The following PDE1C variants were observed in gnomAD, a reference collection of about 807,000 sequenced individuals.
PDE1C encodes the protein phosphodiesterase 1C, also known as dual specificity calcium/calmodulin-dependent 3',5'-cyclic nucleotide phosphodiesterase 1C.
Under a neutral mutation model 93.1 loss-of-function variants are expected in PDE1C, and 62 were observed. The observed-to-expected ratio is 0.67, with a 90% confidence interval of 0.54 to 0.82. PDE1C has a LOEUF of 0.82. Ranked by LOEUF, PDE1C falls within the 40% of genes least tolerant of loss-of-function variation. The pLI is 0.00. For missense variants in PDE1C, 742 were observed against 884.6 expected, an observed-to-expected ratio of 0.84 and a Z score of 2.04; for synonymous variants, 325 against 310.1, an observed-to-expected ratio of 1.05 and a Z score of -0.50.
chr7:32,167,982 G>A (rs574644629), intron 3 of PDE1C, among the ~76,000 whole-genome samples: 2 of 152,162 alleles, frequency 1.3e-5, no homozygotes, highest in South Asian at 4.2e-4. Flanking sequence ...CACAGTTAAG[G>A]ACAATTGCAG....
intron 1 of PDE1C, among the ~76,000 whole-genome samples, chr7:32,067,074 G>A (rs1425819048): frequency 6.6e-6 from 1 of 152,170 alleles, no homozygotes; most frequent in Non-Finnish European, 1.5e-5. Flanking sequence ...CAAGGGGCAT[G>A]GGCGCCATCA....
the PDE1C span, among the ~76,000 whole-genome samples, chr7:31,734,792 C>A: frequency 6.6e-6 from 1 of 152,128 alleles, no homozygotes; most frequent in South Asian, 2.1e-4. Flanking sequence ...AAAAAAATTT[C>A]TTCTTTATAT....
intron 16 of PDE1C, chr7:31,785,149 C>G (rs1415463286): frequency 6.6e-6 from 1 of 150,658 alleles, no homozygotes. Context: ...GAAGCCAGCA[C>G]TCATGAAGAA....
chr7:31,693,900 T>C, the PDE1C span, among the ~76,000 whole-genome samples: 2 of 152,214 alleles, frequency 1.3e-5, no homozygotes, highest in African/African-American at 2.4e-5. Context: ...TCCATACTTA[T>C]TCATATCTGT....
intron 2 of PDE1C, among the ~76,000 whole-genome samples, chr7:31,936,291 A>G (rs1805058394): frequency 6.6e-6 from 1 of 152,122 alleles, no homozygotes; most frequent in Admixed American, 6.6e-5. Context: ...TGCTTCTACC[A>G]CACCCAAACT....
chr7:31,827,434 T>C (rs1056862621), intron 12 of PDE1C, among the ~76,000 whole-genome samples: 1 of 152,210 alleles, frequency 6.6e-6, no homozygotes, highest in African/African-American at 2.4e-5. Flanking sequence ...CTTGGCATTA[T>C]AACATTCTAA....
intron 1 of PDE1C, among the ~76,000 whole-genome samples, chr7:32,226,440 C>G (rs1174606020): frequency 6.6e-6 from 1 of 152,174 alleles, no homozygotes; most frequent in Non-Finnish European, 1.5e-5. Flanking sequence ...ACACTATGAC[C>G]CCTTTATTCA....
intron 3 of PDE1C, among the ~76,000 whole-genome samples, chr7:32,080,226 A>T (rs575175921): frequency 1.3e-5 from 2 of 152,214 alleles, no homozygotes; most frequent in South Asian, 4.2e-4. Flanking sequence ...TTAGGGACCC[A>T]TTCAACTGTA....
intron 2 of PDE1C, among the ~76,000 whole-genome samples, chr7:32,186,514 T>C (rs1269275591): frequency 6.6e-6 from 1 of 152,140 alleles, no homozygotes; most frequent in Non-Finnish European, 1.5e-5. Flanking sequence ...TTCCCAGAAG[T>C]TGTCTATTTT....
intron 2 of PDE1C, among the ~76,000 whole-genome samples, 166 bp from the exon 3 acceptor site, chr7:31,881,026 A>G (rs189037674): frequency 6.6e-6 from 1 of 152,348 alleles, no homozygotes. Flanking sequence ...ATAAATGTAT[A>G]CATTTTTGCC....
At chr7:32,298,539 G>C (rs2128901240) in intron 1 of PDE1C, 1 of 1,320,904 alleles carries the variant, frequency 7.6e-7, no homozygotes, top group African/African-American at 1.5e-5. Context: ...AGCACCCTCC[G>C]GCCCCAGCCC....
At position 31,898,020 on chromosome 7, in the gene PDE1C, TTGTGTGTGTGTG is replaced by T. The variant is rs140101637; in HGVS notation, c.129-17172_129-17161del. Reference sequence around the variant, plus strand: ...TAAGTAACAGAAGGGTTTGGTTTCTTTGTGTGTGTGTGTGTGTGTGTGTGTGTGTGTGTGTGT... The same window carrying T: ...TAAGTAACAGAAGGGTTTGGTTTCTTTGTGTGTGTGTGTGTGTGTGTGTGT... On this transcript the variant is annotated intron_variant, in intron 2 of 17. Coordinates refer to ENST00000396191, the MANE Select transcript of PDE1C (RefSeq NM_001191057.4). 3.5e-3 allele frequency among the ~76,000 whole-genome samples: 506 copies of T among 146,040 alleles called. 5 individuals carry two copies. The highest frequency in any genetic ancestry group is 0.024 in the South Asian group (112 of 4,604).
At chr7:32,207,244 C>T (rs1023101682) in intron 2 of PDE1C, among the ~76,000 whole-genome samples, 2 of 152,054 alleles carry the variant, frequency 1.3e-5, no homozygotes, top group Non-Finnish European at 2.9e-5. Context: ...TGGCCACCCG[C>T]CCCCGCCAAT....
At chr7:32,097,903 G>GT (rs2128748667) in intron 3 of PDE1C, among the ~76,000 whole-genome samples, 2 of 152,232 alleles carry the variant, frequency 1.3e-5, no homozygotes, top group African/African-American at 4.8e-5. Context: ...ATAATGCTGA[G>GT]TGCCCATGTG....
At chr7:32,205,973 C>A (rs2128835592) in intron 2 of PDE1C, among the ~76,000 whole-genome samples, 1 of 152,316 alleles carries the variant, frequency 6.6e-6, no homozygotes, top group East Asian at 1.9e-4. Flanking sequence ...TCCATGTTTT[C>A]ATTTTTGAAG....
intron 1 of PDE1C, among the ~76,000 whole-genome samples, chr7:32,215,412 G>T (rs1483184423): frequency 6.6e-6 from 1 of 152,138 alleles, no homozygotes; most frequent in Non-Finnish European, 1.5e-5. Context: ...TTAAACAATT[G>T]CTCCAGAAGC....
At chr7:31,703,949 C>T in the PDE1C span, among the ~76,000 whole-genome samples, 1 of 152,226 alleles carries the variant, frequency 6.6e-6, no homozygotes, top group South Asian at 2.1e-4. Flanking sequence ...CAGGGGCCCT[C>T]ATCGCAGTGA....
At chr7:31,687,735 T>C in the PDE1C span, among the ~76,000 whole-genome samples, 1 of 152,226 alleles carries the variant, frequency 6.6e-6, no homozygotes, top group African/African-American at 2.4e-5. Context: ...CGGTACTTTT[T>C]GACCTGAATT....
At chr7:32,406,038 C>G (rs1785044659) in intron 1 of PDE1C, among the ~76,000 whole-genome samples, 1 of 152,094 alleles carries the variant, frequency 6.6e-6, no homozygotes, top group Non-Finnish European at 1.5e-5. Context: ...CTCAACAGCC[C>G]CCTGAGGTAG....
Sources: allele counts gnomAD v4.1 joint callset (sites outside exome capture counted in the v4.1 genomes callset), GRCh38; gene constraint gnomAD v4.1.1; transcripts MANE v1.5; gene names NCBI Gene and HGNC (gene_info 2026-07-23, HGNC 2026-07-21).